The following RBM38 variants were observed in gnomAD, a reference collection of about 807,000 sequenced individuals.
RBM38 encodes the protein RNA-binding protein 38.
In RBM38, 11 loss-of-function variants were observed where a neutral mutation model predicts 23.5. The observed-to-expected ratio is 0.47, with a 90% CI of 0.29 to 0.77. The LOEUF is 0.77. RBM38 is among the 30% of genes least tolerant of loss of function. The pLI, the probability that RBM38 is intolerant of heterozygous loss-of-function variation, is 0.08. For synonymous variants in RBM38, 165 were observed against 166.1 expected, an observed-to-expected ratio of 0.99 and a Z score of 0.05; for missense variants, 330 against 351.9, an observed-to-expected ratio of 0.94 and a Z score of 0.50.
intron 1 of RBM38, 173 bp from the exon 2 acceptor site, chr20:57,392,481 G>A: frequency 6.5e-7 from 1 of 1,534,326 alleles, no homozygotes; most frequent in Non-Finnish European, 8.7e-7. Context: ...CATCTTTGTG[G>A]GAGAGCCCCA....
intron 3 of RBM38, among the ~76,000 whole-genome samples, chr20:57,404,277 G>A (rs560090140): frequency 1.3e-5 from 2 of 152,362 alleles, no homozygotes; most frequent in South Asian, 2.1e-4. Flanking sequence ...TCAGGACCCC[G>A]GGGCCTGTTC....
chr20:57,400,328 G>A (rs6025528), intron 3 of RBM38, among the ~76,000 whole-genome samples: 13 of 152,208 alleles, frequency 8.5e-5, no homozygotes, highest in Admixed American at 5.2e-4. Flanking sequence ...GGCCACGTGT[G>A]AACGGGAAGG....
intron 3 of RBM38, among the ~76,000 whole-genome samples, chr20:57,396,193 A>T (rs934760034): frequency 1.3e-5 from 2 of 152,174 alleles, no homozygotes; most frequent in African/African-American, 4.8e-5. Flanking sequence ...TTTAAGTTGA[A>T]CAAGCTCTGT....
At chr20:57,394,448 G>C (rs573744358) in intron 3 of RBM38, among the ~76,000 whole-genome samples, 63 of 152,300 alleles carry the variant, frequency 4.1e-4, no homozygotes, top group African/African-American at 1.4e-3. Flanking sequence ...GCTTCCGTGT[G>C]TATTGGTGGA....
chr20:57,404,797 G>T (rs1215747772), intron 3 of RBM38, among the ~76,000 whole-genome samples: 1 of 152,278 alleles, frequency 6.6e-6, no homozygotes, highest in South Asian at 2.1e-4. Flanking sequence ...TCCATGTGGG[G>T]TTGGGCCTCG....
chr20:57,397,277 C>G (rs1325048935), intron 3 of RBM38, among the ~76,000 whole-genome samples: 1 of 152,248 alleles, frequency 6.6e-6, no homozygotes, highest in Admixed American at 6.5e-5. Context: ...CTGTGCAAAA[C>G]CGAGGCTTAG....
chr20:57,402,155 C>T (rs1273780735), intron 3 of RBM38, among the ~76,000 whole-genome samples: 1 of 152,126 alleles, frequency 6.6e-6, no homozygotes, highest in Non-Finnish European at 1.5e-5. Flanking sequence ...CCGTGTTGGC[C>T]AGGATGGTCT....
At chr20:57,401,315 C>T (rs73917116) in intron 3 of RBM38, among the ~76,000 whole-genome samples, 5,603 of 152,278 alleles carry the variant, frequency 0.037, 360 homozygotes, top group African/African-American at 0.13. Flanking sequence ...CCGCCAGGCA[C>T]CTGGTCGGGG....
chr20:57,391,975 G>C (rs1280539210), intron 1 of RBM38, among the ~76,000 whole-genome samples, 157 bp downstream of exon 1: 2 of 73,350 alleles, frequency 2.7e-5, no homozygotes, highest in African/African-American at 7.3e-5. Context: ...TCCCGGGCGC[G>C]CTCCTGCCGG....
Position 57,395,152 on chromosome 20 carries a change from G to A in RBM38, c.416+1819G>A, listed in dbSNP as rs192168473. ...CCTGTCCTCATAGCAGGCCTCTGAG[G>A]ATGGGACTGAAACCATTCTTACTTT... is the stretch of plus-strand genomic sequence containing the variant. On this transcript the variant is annotated intron_variant, in intron 3 of 3. Transcript: ENST00000356208. Among the ~76,000 whole-genome samples the A allele has an allele frequency of 9.4e-4, 143 of 152,350 alleles. 1 individual carries two copies. The highest frequency in any genetic ancestry group is 3.2e-3 in the African/African-American group (134 of 41,576).
At chr20:57,404,605 T>C (rs2067363072) in intron 3 of RBM38, among the ~76,000 whole-genome samples, 1 of 151,906 alleles carries the variant, frequency 6.6e-6, no homozygotes, top group African/African-American at 2.4e-5. Flanking sequence ...TGGCCAGAGC[T>C]CCTCATCCTT....
At position 57,391,541 on chromosome 20, in the gene RBM38, G is replaced by T; in HGVS notation, c.-41G>T. The T allele has an allele frequency of 5.1e-6, 4 of 779,846 alleles. No individual in the cohort carries two copies. The highest frequency in any genetic ancestry group is 6.3e-6 in the Non-Finnish European group (4 of 632,376). 48.3% of individuals were successfully genotyped at this position (779,846 alleles called of 1,614,324 possible). A position where few individuals can be genotyped will look rare whatever the true frequency, so the allele number is the denominator to read the frequency against. Reference sequence around the variant, plus strand: ...CTCCCCGCCGCCCCCCATGAGCGCAGCCCCGCGCGGCCCGGGTCCGTAGGC... The same window carrying T: ...CTCCCCGCCGCCCCCCATGAGCGCATCCCCGCGCGGCCCGGGTCCGTAGGC... On this transcript the variant is annotated 5_prime_UTR_variant, in exon 1 of 4. Coordinates refer to ENST00000356208, the MANE Select transcript of RBM38 (RefSeq NM_017495.6).
intron 3 of RBM38, among the ~76,000 whole-genome samples, chr20:57,397,952 CTG>C (rs956623333): frequency 6.6e-6 from 1 of 152,096 alleles, no homozygotes. Context: ...GGAGATGTGT[CTG>C]TGTGTGTGAT....
chr20:57,394,906 G>A (rs1398130420), intron 3 of RBM38, among the ~76,000 whole-genome samples: 7 of 152,130 alleles, frequency 4.6e-5, no homozygotes, highest in Admixed American at 1.3e-4. Context: ...TCCCACGTGC[G>A]TCTGGGCTCG....
intron 3 of RBM38, among the ~76,000 whole-genome samples, chr20:57,395,527 A>G (rs1180987072): frequency 6.6e-6 from 1 of 152,154 alleles, no homozygotes; most frequent in Non-Finnish European, 1.5e-5. Flanking sequence ...CGCAGACTCT[A>G]TTTGTTGGTT....
At chr20:57,403,310 C>T (rs1438240081) in intron 3 of RBM38, among the ~76,000 whole-genome samples, 2 of 152,202 alleles carry the variant, frequency 1.3e-5, no homozygotes, top group African/African-American at 4.8e-5. Flanking sequence ...CAGACAAGTG[C>T]AGGGGCGAGG....
chr20:57,393,271 C>T lies in RBM38; in HGVS notation c.362-8C>T. On this transcript the variant is annotated splice_region_variant and splice_polypyrimidine_tract_variant and intron_variant, in intron 2 of 3. Transcript: ENST00000356208. Reference sequence around the variant, plus strand: ...AAGGCCAAGTCCCTGATTGTTCTCTCGTTTTAGGCTTTGCCATTGGGGTGC... The same window carrying T: ...AAGGCCAAGTCCCTGATTGTTCTCTTGTTTTAGGCTTTGCCATTGGGGTGC... 3 of 1,613,626 alleles carry T rather than the reference C, an allele frequency of 1.9e-6. No individual in the cohort carries two copies. The highest frequency in any genetic ancestry group is 2.5e-6 in the Non-Finnish European group (3 of 1,179,714).
intron 3 of RBM38, among the ~76,000 whole-genome samples, chr20:57,398,103 C>G (rs751737118): frequency 1.3e-5 from 2 of 152,186 alleles, no homozygotes; most frequent in Non-Finnish European, 2.9e-5. Context: ...TGCTCATGTC[C>G]TTAGTTACTC....
intron 1 of RBM38, 55 bp downstream of exon 1, chr20:57,391,873 G>C: frequency 1.5e-6 from 2 of 1,308,198 alleles, no homozygotes; most frequent in Non-Finnish European, 1.0e-6. Flanking sequence ...ATCGCGGCCC[G>C]GGCGCCGAGT....
Sources: allele counts gnomAD v4.1 joint callset (sites outside exome capture counted in the v4.1 genomes callset), GRCh38; gene constraint gnomAD v4.1.1; transcripts MANE v1.5; gene names NCBI Gene and HGNC (gene_info 2026-07-23, HGNC 2026-07-21).